Variants in RAD52 observed in about 807,000 individuals in gnomAD.
RAD52 encodes the protein DNA repair protein RAD52 homolog.
Under a neutral mutation model 55.5 loss-of-function variants are expected in RAD52, and 47 were observed. The ratio of observed to expected loss-of-function variants is 0.85; its 90% CI spans 0.67 to 1.08. The LOEUF is 1.08. Ranked by LOEUF, RAD52 falls within the 50% of genes least tolerant of loss-of-function variation. RAD52 has a pLI of 0.00. For missense variants in RAD52, 468 were observed against 522.8 expected (o/e 0.90, Z 1.02); for synonymous variants, 184 against 198.9 (o/e 0.92, Z 0.63).
intron 1 of RAD52, among the ~76,000 whole-genome samples, chr12:939,045 C>A (rs570748967): frequency 1.2e-5 from 1 of 86,326 alleles, no homozygotes; most frequent in African/African-American, 4.7e-5. Flanking sequence ...TCAATTCATT[C>A]AACTAATTGT....
At chr12:985,664 C>T (rs1048260432) in intron 1 of RAD52, among the ~76,000 whole-genome samples, 1 of 152,096 alleles carries the variant, frequency 6.6e-6, no homozygotes, top group Non-Finnish European at 1.5e-5. Context: ...TCAAGCACCA[C>T]TTTTTTTAAA....
chr12:989,846 C>CAG (rs1223218571), exon 1 of RAD52: 1 of 152,152 alleles, frequency 6.6e-6, no homozygotes, highest in Non-Finnish European at 1.5e-5. Context: ...ATGGGCAGAT[C>CAG]ACGAGTCAGA....
At chr12:982,128 A>G (rs1395978877) in intron 1 of RAD52, among the ~76,000 whole-genome samples, 1 of 152,192 alleles carries the variant, frequency 6.6e-6, no homozygotes, top group East Asian at 1.9e-4. Flanking sequence ...AAAGGGTAAC[A>G]TGTGTTCACA....
chr12:949,879 G>A (rs1044662256), upstream of RAD52, among the ~76,000 whole-genome samples: 1 of 152,178 alleles, frequency 6.6e-6, no homozygotes, highest in African/African-American at 2.4e-5. Context: ...TACGTTCTGA[G>A]CCGCTCGCCC....
At position 920,351 on chromosome 12, in the gene RAD52, T is replaced by G. The variant is rs1366486998; in HGVS notation, c.544-3531A>C. On this transcript the variant is annotated intron_variant, in intron 7 of 11. Transcript: ENST00000358495. ...GTGGGCAGATCACGAGGTCAGGATATCGAGACCATCCTGGCTAACATGGTG... is the reference window on the plus strand; with the variant it reads ...GTGGGCAGATCACGAGGTCAGGATAGCGAGACCATCCTGGCTAACATGGTG... Among the ~76,000 whole-genome samples the G allele has an allele frequency of 2.6e-5, 3 of 116,970 alleles. 1 individual carries two copies. The East Asian group carries it at 6.8e-4, about 26-fold the overall frequency. 76.7% of individuals were successfully genotyped at this position (116,970 alleles called of 152,430 possible).
intron 1 of RAD52, among the ~76,000 whole-genome samples, chr12:972,001 G>C (rs1958865349): frequency 1.3e-5 from 2 of 152,142 alleles, no homozygotes; most frequent in African/African-American, 4.8e-5. Flanking sequence ...GCCCGCCTCG[G>C]CCTCCCAAAG....
rs536422935 is a variant in RAD52, at chr12:975,337, C to G, written c.-19+14472G>C. Reference sequence around the variant, plus strand: ...CAAATTCTTGTTCAACTACACAATACAAACATTTATCAGGTATCAAAAACT... The same window carrying G: ...CAAATTCTTGTTCAACTACACAATAGAAACATTTATCAGGTATCAAAAACT... On this transcript the variant is annotated intron_variant, in intron 1 of 11. Transcript: ENST00000430095. 8 of 152,160 alleles carry G rather than the reference C, an allele frequency of 5.3e-5. No homozygotes were observed. In the South Asian group the frequency reaches 1.7e-3, roughly 32 times the overall value. 9.4% of individuals were successfully genotyped at this position (152,160 alleles called of 1,614,324 possible).
chr12:948,611 C>T (rs919362850), intron 1 of RAD52, among the ~76,000 whole-genome samples: 17 of 152,110 alleles, frequency 1.1e-4, no homozygotes, highest in East Asian at 3.9e-4. Context: ...TGAGCCGAGA[C>T]GGCGCCACTG....
intron 1 of RAD52, among the ~76,000 whole-genome samples, chr12:956,143 G>A (rs1412708573): frequency 4.6e-5 from 7 of 152,158 alleles, no homozygotes; most frequent in Admixed American, 4.6e-4. Flanking sequence ...GAATGCAAGT[G>A]GAAGTCTTCT....
rs189570062 is a variant in RAD52 at position 915,873 on chromosome 12, C to T, written c.865+471G>A. ...GGGACCACAGGCATGCACCACCACA[C>T]CTGGCTAATTTTTATGTATTTTTAA... On this transcript the variant is annotated intron_variant, in intron 9 of 11. Coordinates refer to ENST00000358495, the MANE Select transcript of RAD52 (RefSeq NM_134424.4). 1.7e-4 allele frequency among the ~76,000 whole-genome samples: 26 copies of T among 152,272 alleles called. 1 individual carries two copies. The highest frequency in any genetic ancestry group is 1.6e-3 in the Admixed American group (25 of 15,302).
chr12:916,633 G>A lies in RAD52; in HGVS notation c.725+6C>T, dbSNP rs567791888. The A allele has an allele frequency of 3.7e-6, 6 of 1,610,728 alleles. No individual in the cohort carries two copies. Among genetic ancestry groups the A allele is most frequent in the African/African-American group, 2.7e-5 (2 of 74,938 alleles). ...CAGAGGAAAGGAGGGGACTTAGGCC[G>A]CATACCGGGAGCTGCAGTCCTGGTC... On this transcript the variant is annotated splice_donor_region_variant and intron_variant, in intron 8 of 11. Coordinates refer to ENST00000358495, the MANE Select transcript of RAD52 (RefSeq NM_134424.4).
Position 917,406 on chromosome 12 carries a change from A to G in RAD52, c.544-586T>C, listed in dbSNP as rs571932455. Among the ~76,000 whole-genome samples the G allele has an allele frequency of 5.9e-5, 9 of 152,290 alleles. No individual in the cohort carries two copies. The East Asian group carries it at 1.5e-3, about 26-fold the overall frequency. ...ACAGGGCAAATGGTTTCATTTCCAC[A>G]CGGATTCCTACAGAAATCCAGAACA... On this transcript the variant is annotated intron_variant, in intron 7 of 11. Coordinates refer to ENST00000358495, the MANE Select transcript of RAD52 (RefSeq NM_134424.4).
At chr12:979,330 A>G (rs545268600) in intron 1 of RAD52, among the ~76,000 whole-genome samples, 1 of 152,178 alleles carries the variant, frequency 6.6e-6, no homozygotes, top group East Asian at 1.9e-4. Context: ...AATCCCAGCT[A>G]CTTGGGAGGC....
At chr12:918,761 GGCA>G (rs1221510845) in intron 7 of RAD52, among the ~76,000 whole-genome samples, 1 of 151,952 alleles carries the variant, frequency 6.6e-6, no homozygotes, top group Non-Finnish European at 1.5e-5. Flanking sequence ...GGCAGGGGAT[GGCA>G]GTGACTGCAA....
At chr12:930,801 T>C (rs1243843307) in intron 3 of RAD52, among the ~76,000 whole-genome samples, 1 of 151,960 alleles carries the variant, frequency 6.6e-6, no homozygotes, top group Non-Finnish European at 1.5e-5. Context: ...ATGTCGTCTC[T>C]ACAGAACATT....
intron 1 of RAD52, among the ~76,000 whole-genome samples, chr12:987,352 C>T (rs1959099634): frequency 8.2e-6 from 1 of 122,436 alleles, no homozygotes; most frequent in African/African-American, 2.5e-5. Flanking sequence ...AGAGTTCAAA[C>T]ATTTCACATG....
intron 1 of RAD52, among the ~76,000 whole-genome samples, chr12:969,031 T>C (rs1958806546): frequency 6.6e-6 from 1 of 152,110 alleles, no homozygotes; most frequent in African/African-American, 2.4e-5. Flanking sequence ...TGAACATGTA[T>C]AGACTGTTTT....
Position 912,722 on chromosome 12 carries a change from CAA to C in RAD52, c.*667_*668del, listed in dbSNP as rs60090525. The C allele has an allele frequency of 0.27, 19,920 of 73,082 alleles. 1,026 individuals are homozygous for C. The highest frequency in any genetic ancestry group is 0.37 in the African/African-American group (7,335 of 19,830). 4.5% of individuals were successfully genotyped at this position (73,082 alleles called of 1,614,324 possible). On this transcript the variant is annotated 3_prime_UTR_variant, in exon 12 of 12. Coordinates refer to ENST00000358495, the MANE Select transcript of RAD52 (RefSeq NM_134424.4). Reference sequence around the variant, plus strand: ...AGGGCAACACAGCCAGACCCCGTCTCAAAAAAAAAAAAAAAAAAAAAAACAAA... The same window carrying C: ...AGGGCAACACAGCCAGACCCCGTCTCAAAAAAAAAAAAAAAAAAAAACAAA...
chr12:917,017 G>C (rs769656343), intron 7 of RAD52, among the ~76,000 whole-genome samples, 197 bp from the exon 8 acceptor site: 9 of 152,154 alleles, frequency 5.9e-5, no homozygotes, highest in Non-Finnish European at 1.2e-4. Context: ...TGATAAAAAG[G>C]AATCCTTCTT....
Sources: allele counts gnomAD v4.1 joint callset (sites outside exome capture counted in the v4.1 genomes callset), GRCh38; gene constraint gnomAD v4.1.1; transcripts MANE v1.5; gene names NCBI Gene and HGNC (gene_info 2026-07-23, HGNC 2026-07-21).